MMP2: variants seen among roughly 807,000 people sequenced by gnomAD.
The protein encoded by MMP2 is 72 kDa type IV collagenase.
Under a neutral mutation model 74.8 loss-of-function variants are expected in MMP2, and 39 were observed. The observed-to-expected ratio is 0.52, with a 90% CI of 0.40 to 0.68. The LOEUF is 0.68. MMP2 is among the 30% of genes least tolerant of loss of function. The probability of loss-of-function intolerance (pLI) is 0.00; values close to 1 mark genes in which losing one functional copy is unlikely to be tolerated. For missense variants in MMP2, 803 were observed against 878.3 expected (o/e 0.91, Z 1.08); for synonymous variants, 367 against 339.8 (o/e 1.08, Z -0.88).
chr16:55,502,079 C>G (rs550203627), intron 11 of MMP2, among the ~76,000 whole-genome samples: 5 of 152,172 alleles, frequency 3.3e-5, no homozygotes, highest in Non-Finnish European at 5.9e-5. Flanking sequence ...TTGCTGCCGC[C>G]GGAACTGAGG....
At chr16:55,500,852 G>A (rs1962651999) in intron 11 of MMP2, among the ~76,000 whole-genome samples, 1 of 152,224 alleles carries the variant, frequency 6.6e-6, no homozygotes, top group African/African-American at 2.4e-5. Context: ...GCCCCAGAGT[G>A]ACAGAGGCTG....
chr16:55,488,281 C>A, intron 5 of MMP2: 1 of 523,064 alleles, frequency 1.9e-6, no homozygotes, highest in Non-Finnish European at 3.5e-6. Context: ...TTCTAGAAGC[C>A]CTTGCTGTGT....
At position 55,489,460 on chromosome 16, in the gene MMP2, G is replaced by A. The variant is rs560758427; in HGVS notation, c.1007-191G>A. 1.2e-3 allele frequency among the ~76,000 whole-genome samples: 178 copies of A among 152,250 alleles called. 1 individual carries two copies. The highest frequency in any genetic ancestry group is 4.2e-3 in the African/African-American group (173 of 41,536). On this transcript the variant is annotated intron_variant, in intron 6 of 12. Coordinates refer to ENST00000219070, the MANE Select transcript of MMP2 (RefSeq NM_004530.6). ...TCTCTCTGATCTATTTCCCATCCAT[G>A]AAACGCGGTGCTATTCAGTCCCTCC... is the stretch of plus-strand genomic sequence containing the variant.
Position 55,479,581 on chromosome 16 carries a change from C to T in MMP2, c.102C>T (p.Ile34=), listed in dbSNP as rs1962043779. ...LSHAAAAPSP[I]IKFPGDVAPK... ...ACGCCGCCGCCGCGCCGTCGCCCATCATCAAGTTCCCCGGCGATGTCGCCC... is the reference window on the plus strand; with the variant it reads ...ACGCCGCCGCCGCGCCGTCGCCCATTATCAAGTTCCCCGGCGATGTCGCCC... Residue 34 remains isoleucine (I), a synonymous_variant, in exon 1 of 13, where the codon ATC becomes ATT. Coordinates refer to ENST00000219070, the MANE Select transcript of MMP2 (RefSeq NM_004530.6). The T allele has an allele frequency of 6.2e-7, 1 of 1,613,670 alleles. No individual in the cohort carries two copies. Among genetic ancestry groups the T allele is most frequent in the Non-Finnish European group, 8.5e-7 (1 of 1,180,006 alleles).
In MMP2 at chr16:55,489,688, C is replaced by T; in HGVS notation, c.1044C>T (p.Pro348=). The T allele has an allele frequency of 1.2e-6, 2 of 1,614,212 alleles. No individual in the cohort carries two copies. The highest frequency in any genetic ancestry group is 1.7e-6 in the Non-Finnish European group (2 of 1,180,048). ...STVGGNSEGA[P]CVFPFTFLGN... ...TTGGTGGGAACTCAGAAGGTGCCCC[C>T]TGTGTCTTCCCCTTCACTTTCCTGG... The change falls in exon 7 of 13, where the codon CCC becomes CCT. Residue 348 remains proline, a synonymous_variant. Coordinates refer to ENST00000219070, the MANE Select transcript of MMP2 (RefSeq NM_004530.6).
At position 55,483,085 on chromosome 16, in the gene MMP2, C is replaced by A; in HGVS notation, c.330C>A (p.Tyr110Ter). The change falls in exon 2 of 13, where the codon TAC becomes TAA. Residue 110 changes from tyrosine (Y) to a stop codon, truncating the protein, a stop_gained. Coordinates refer to ENST00000219070, the MANE Select transcript of MMP2 (RefSeq NM_004530.6). LOFTEE classifies it high-confidence loss of function. ...GCGGCAACCCAGATGTGGCCAACTA[C>A]AACTTCTTCCCTCGCAAGCCCAAGT... is the stretch of plus-strand genomic sequence containing the variant. ...PRCGNPDVAN[Y>*]NFFPRKPKWD... 6.2e-7 allele frequency: 1 copy of A among 1,614,116 alleles called. No homozygotes were observed.
In MMP2 at chr16:55,505,497, C is replaced by G; in HGVS notation, c.*55C>G. On this transcript the variant is annotated 3_prime_UTR_variant, in exon 13 of 13. Transcript: ENST00000219070. ...CTCCACTGCCTTCGATACACCGGGC[C>G]TGGAGAACTAGAGAAGGACCCGGAG... 6.6e-7 allele frequency: 1 copy of G among 1,505,378 alleles called. No homozygotes were observed. 93.3% of individuals were successfully genotyped at this position (1,505,378 alleles called of 1,614,324 possible).
intron 5 of MMP2, 33 bp from the exon 6 acceptor site, chr16:55,488,510 A>G: frequency 6.2e-7 from 1 of 1,604,530 alleles, no homozygotes; most frequent in South Asian, 1.1e-5. Context: ...AGCATGTCTC[A>G]TTCACATCCT....
At chr16:55,486,344 T>TGTGTGC (rs1357347351) in intron 5 of MMP2, among the ~76,000 whole-genome samples, 3 of 87,418 alleles carry the variant, frequency 3.4e-5, no homozygotes, top group African/African-American at 1.2e-4. Context: ...TGTGTGTGTG[T>TGTGTGC]GCCTGTGTGT....
At chr16:55,504,280 A>T (rs924046299) in intron 12 of MMP2, among the ~76,000 whole-genome samples, 2 of 152,126 alleles carry the variant, frequency 1.3e-5, no homozygotes, top group Non-Finnish European at 2.9e-5. Context: ...TTGGCAAGTT[A>T]TTCAGATTTA....
Position 55,481,683 on chromosome 16 carries a change from G to C in MMP2, c.154-1226G>C, listed in dbSNP as rs977904929. 5 of 565,070 alleles carry C rather than the reference G, an allele frequency of 8.8e-6. No homozygotes were observed. In the East Asian group the frequency reaches 1.5e-4, roughly 17 times the overall value. The allele number at this position is 565,070 out of a possible 1,614,324, so 35.0% of individuals were successfully genotyped here. On this transcript the variant is annotated intron_variant, in intron 1 of 12. Coordinates refer to ENST00000219070, the MANE Select transcript of MMP2 (RefSeq NM_004530.6). ...CAAATGGAAGTCTGTGTTGTCCAGA[G>C]GCAATGCAGTGGGGGCTTAAGAAGA...
At chr16:55,489,931 C>T in intron 7 of MMP2, 107 bp downstream of exon 7, 3 of 1,284,196 alleles carry the variant, frequency 2.3e-6, no homozygotes, top group Non-Finnish European at 3.3e-6. Flanking sequence ...TAGACACTGC[C>T]CCCCAGACAC....
chr16:55,502,730 G>T (rs1489948961), intron 11 of MMP2, 49 bp from the exon 12 acceptor site: 2 of 1,533,392 alleles, frequency 1.3e-6, no homozygotes, highest in East Asian at 2.2e-5. Context: ...CAGGGGGGAA[G>T]TGTCCTTTAG....
At chr16:55,503,511 T>G (rs1401247257) in intron 12 of MMP2, among the ~76,000 whole-genome samples, 4 of 152,084 alleles carry the variant, frequency 2.6e-5, no homozygotes, top group African/African-American at 9.7e-5. Context: ...AGATTTTTTT[T>G]TTTTTGAGCA....
intron 11 of MMP2, 63 bp downstream of exon 11, chr16:55,498,511 T>C (rs1469262373): frequency 1.2e-6 from 2 of 1,605,398 alleles, no homozygotes; most frequent in African/African-American, 1.3e-5. Context: ...GAAGCCGCCC[T>C]GAGGCTTCAA....
At chr16:55,489,943 CACCT>C (rs1962363501) in intron 7 of MMP2, 119 bp downstream of exon 7, 2 of 1,210,936 alleles carry the variant, frequency 1.7e-6, no homozygotes, top group Non-Finnish European at 2.3e-6. Context: ...CCCAGACACC[CACCT>C]ACCCAGACCC....
intron 6 of MMP2, among the ~76,000 whole-genome samples, chr16:55,489,068 C>T (rs1403466288): frequency 6.6e-6 from 1 of 152,178 alleles, no homozygotes; most frequent in Admixed American, 6.5e-5. Context: ...TCTTCCCTGC[C>T]TTTCCTGGTC....
rs1250742212 is a variant in MMP2, at chr16:55,506,400, G to GAGAGTAAGC, written c.*959_*967dup. On this transcript the variant is annotated 3_prime_UTR_variant, in exon 13 of 13. Coordinates refer to ENST00000219070, the MANE Select transcript of MMP2 (RefSeq NM_004530.6). ...AAGTAAACAGCAAGAGAACCTCAGG[G>GAGAGTAAGC]AGAGTAAGCTCTAGTCCCTCTGTCC... 2.0e-5 allele frequency: 3 copies of GAGAGTAAGC among 152,324 alleles called. No homozygotes were observed. Among genetic ancestry groups the GAGAGTAAGC allele is most frequent in the Admixed American group, 6.5e-5 (1 of 15,306 alleles). 9.4% of individuals were successfully genotyped at this position (152,324 alleles called of 1,614,324 possible).
rs966791718 is a variant in MMP2 at position 55,497,204 on chromosome 16, T to C, written c.1609+142T>C. 5.2e-6 allele frequency: 6 copies of C among 1,160,318 alleles called. No homozygotes were observed. The South Asian group carries it at 7.6e-5, about 15-fold the overall frequency. The allele number at this position is 1,160,318 out of a possible 1,614,324, so 71.9% of individuals were successfully genotyped here. On this transcript the variant is annotated intron_variant, in intron 10 of 12. Coordinates refer to ENST00000219070, the MANE Select transcript of MMP2 (RefSeq NM_004530.6). ...CTCCCTTTCCTTTATGGATTCATTC[T>C]TTCAACATTATTTCCTGAAGTGCGC... is the stretch of plus-strand genomic sequence containing the variant.
Sources: allele counts gnomAD v4.1 joint callset (sites outside exome capture counted in the v4.1 genomes callset), GRCh38; gene constraint gnomAD v4.1.1; transcripts MANE v1.5; gene names NCBI Gene and HGNC (gene_info 2026-07-23, HGNC 2026-07-21).